The following MYZAP variants were observed in gnomAD, a reference collection of about 807,000 sequenced individuals.
The protein encoded by MYZAP is myocardial zonula adherens protein.
Under a neutral mutation model 69.4 loss-of-function variants are expected in MYZAP, and 66 were observed. The ratio of observed to expected loss-of-function variants is 0.95; its 90% CI spans 0.78 to 1.17. The LOEUF (loss-of-function observed/expected upper bound fraction) is 1.17, where lower values mean the gene tolerates loss of function less well. Among genes scored for constraint, MYZAP ranks in the 50% most tolerant of loss-of-function variants. The probability of loss-of-function intolerance (pLI) is 0.00; values close to 1 mark genes in which losing one functional copy is unlikely to be tolerated. For missense variants in MYZAP, 611 were observed against 556.2 expected, an observed-to-expected ratio of 1.10 and a Z score of -0.99; for synonymous variants, 256 against 205.9, an observed-to-expected ratio of 1.24 and a Z score of -2.09.
intron 1 of MYZAP, among the ~76,000 whole-genome samples, chr15:57,593,196 A>G (rs1253046682): frequency 3.0e-5 from 2 of 67,602 alleles, no homozygotes; most frequent in Admixed American, 1.7e-4. Context: ...GCGCACACAC[A>G]CACACACACA....
intron 6 of MYZAP, among the ~76,000 whole-genome samples, chr15:57,632,036 A>C (rs147027999): frequency 6.6e-6 from 1 of 152,332 alleles, no homozygotes; most frequent in East Asian, 1.9e-4. Flanking sequence ...AATGTTTCCA[A>C]AAGCAACATT....
At chr15:57,603,173 A>T (rs982622258) in intron 1 of MYZAP, among the ~76,000 whole-genome samples, 1 of 152,178 alleles carries the variant, frequency 6.6e-6, no homozygotes, top group Non-Finnish European at 1.5e-5. Flanking sequence ...CTCAGTGACT[A>T]GTGACAAATA....
rs144667495 is a variant in MYZAP at position 57,633,731 on chromosome 15, G to A, written c.923G>A (p.Arg308His). 43 of 1,606,302 alleles carry A rather than the reference G, an allele frequency of 2.7e-5. No individual in the cohort carries two copies. In the East Asian group the frequency reaches 5.8e-4, roughly 22 times the overall value. ...GGGGAGCTGGACAGGCTGATTGAGC[G>A]CATGGAAAAGGTAGGACACAGCGTT... The part of the protein sequence containing the change: ...RIGELDRLIE[R>H]MEKERHQLQL... The change falls in exon 8 of 13, where the codon CGC becomes CAC. Residue 308 changes from arginine to histidine, a missense_variant. By Grantham distance (29) the Arg-to-His change is conservative (BLOSUM62 0). Transcript: ENST00000267853.
At chr15:57,621,764 TG>T in intron 4 of MYZAP, 64 bp downstream of exon 4, 1 of 1,494,026 alleles carries the variant, frequency 6.7e-7, no homozygotes, top group Non-Finnish European at 9.3e-7. Context: ...GGTCCCTCAG[TG>T]GCTAGTGCCT....
intron 11 of MYZAP, among the ~76,000 whole-genome samples, chr15:57,661,850 G>A (rs145706090): frequency 2.6e-3 from 398 of 152,270 alleles, no homozygotes; most frequent in Middle Eastern, 6.8e-3. Context: ...TATAATTTGT[G>A]AGATATGTTC....
intron 1 of MYZAP, chr15:57,599,699 C>T (rs929692066): frequency 1.9e-5 from 24 of 1,288,904 alleles, no homozygotes; most frequent in African/African-American, 6.1e-5. Context: ...GTAAAATGCT[C>T]GGAGGTAAGG....
At chr15:57,642,795 A>G (rs954922359) in intron 10 of MYZAP, among the ~76,000 whole-genome samples, 2 of 152,124 alleles carry the variant, frequency 1.3e-5, no homozygotes, top group East Asian at 3.9e-4. Context: ...ATAAAAAGTA[A>G]CTGGCCCAGG....
At chr15:57,663,792 A>G (rs2038430953) in intron 11 of MYZAP, among the ~76,000 whole-genome samples, 2 of 152,270 alleles carry the variant, frequency 1.3e-5, no homozygotes, top group Middle Eastern at 3.4e-3. Context: ...AGCTATGTCT[A>G]TCTAATAAGC....
chr15:57,665,104 A>G (rs937276672), intron 11 of MYZAP, among the ~76,000 whole-genome samples: 1 of 152,184 alleles, frequency 6.6e-6, no homozygotes, highest in Non-Finnish European at 1.5e-5. Context: ...CTCATCCTCA[A>G]AGTTGGAGAC....
chr15:57,644,654 C>T (rs1197527744), intron 10 of MYZAP, among the ~76,000 whole-genome samples: 1 of 152,048 alleles, frequency 6.6e-6, no homozygotes. Flanking sequence ...TTTATAGAGA[C>T]AGGGTTTCAC....
chr15:57,663,326 T>C (rs2140557687), intron 11 of MYZAP, among the ~76,000 whole-genome samples: 1 of 152,242 alleles, frequency 6.6e-6, no homozygotes, highest in East Asian at 1.9e-4. Flanking sequence ...TGGTTTATGC[T>C]CAGTGTATTA....
intron 11 of MYZAP, among the ~76,000 whole-genome samples, chr15:57,674,080 A>T (rs908060044): frequency 2.0e-5 from 3 of 152,356 alleles, no homozygotes; most frequent in Admixed American, 1.3e-4. Flanking sequence ...AGCACTTTTT[A>T]AAAAGCATCC....
chr15:57,632,456 A>C lies in MYZAP; in HGVS notation c.701A>C (p.Asn234Thr), dbSNP rs371110624. 6.2e-7 allele frequency: 1 copy of C among 1,614,072 alleles called. No individual in the cohort carries two copies. Among genetic ancestry groups the C allele is most frequent in the Admixed American group, 1.7e-5 (1 of 60,010 alleles). Residue 234 changes from asparagine to threonine, a missense_variant, in exon 7 of 13, where the codon AAT becomes ACT. Transcript: ENST00000267853. ...TAGGTGGAATCGTCCCAAGAAGCCA[A>C]TGCTGAGGTGATGCGAGAGATGACC... ...KMKVESSQEA[N>T]AEVMREMTKK...
At chr15:57,684,306 C>T in intron 12 of MYZAP, 96 bp from the exon 13 acceptor site, 1 of 796,112 alleles carries the variant, frequency 1.3e-6, no homozygotes, top group Non-Finnish European at 2.1e-6. Context: ...TTTTTAAACA[C>T]TTAAACACCA....
chr15:57,619,199 G>T (rs192718744), intron 3 of MYZAP, among the ~76,000 whole-genome samples: 1 of 152,084 alleles, frequency 6.6e-6, no homozygotes, highest in Non-Finnish European at 1.5e-5. Flanking sequence ...TTTTTAAAAG[G>T]AACATTTCTT....
intron 10 of MYZAP, chr15:57,646,035 T>C: frequency 1.7e-6 from 1 of 602,196 alleles, no homozygotes; most frequent in Non-Finnish European, 2.7e-6. Flanking sequence ...TTAGAGGATT[T>C]CAAGTACTTC....
intron 4 of MYZAP, 109 bp downstream of exon 4, chr15:57,621,809 TAGA>T (rs1369163447): frequency 1.1e-6 from 1 of 928,554 alleles, no homozygotes; most frequent in Non-Finnish European, 1.5e-6. Flanking sequence ...TCTTTATCAA[TAGA>T]ATTACATTTT....
chr15:57,634,212 C>T (rs138788837), intron 8 of MYZAP, among the ~76,000 whole-genome samples: 8 of 151,706 alleles, frequency 5.3e-5, no homozygotes, highest in East Asian at 1.9e-4. Context: ...CTGAGGAAGG[C>T]GGGAGCTCAG....
chr15:57,612,151 C>A (rs907957894), intron 2 of MYZAP, among the ~76,000 whole-genome samples: 1 of 152,218 alleles, frequency 6.6e-6, no homozygotes, highest in South Asian at 2.1e-4. Flanking sequence ...TGGCTCTGTG[C>A]TCAGCAGTCC....
Sources: gnomAD v4.1 joint callset for allele counts (sites outside exome capture counted in the v4.1 genomes callset) on GRCh38, gnomAD v4.1.1 for gene constraint, MANE v1.5 for transcripts, NCBI Gene and HGNC (gene_info 2026-07-23, HGNC 2026-07-21) for gene names.